The following RBM17 variants were observed in gnomAD, a reference collection of about 807,000 sequenced individuals.
RBM17 encodes the protein splicing factor 45.
RBM17 carries 7 observed loss-of-function variants against 53.2 expected under a neutral mutation model. The observed-to-expected ratio is 0.13, with a 90% CI of 0.07 to 0.25. The LOEUF (loss-of-function observed/expected upper bound fraction) is 0.25, where lower values mean the gene tolerates loss of function less well. Among genes scored for constraint, RBM17 ranks in the 10% least tolerant of loss-of-function variants. RBM17 has a pLI of 1.00. For synonymous variants in RBM17, 167 were observed against 178.1 expected (o/e 0.94, Z 0.50); for missense variants, 257 against 496.7 (o/e 0.52, Z 4.59).
chr10:6,090,718 G>A (rs1840469003), intron 1 of RBM17, among the ~76,000 whole-genome samples: 1 of 152,116 alleles, frequency 6.6e-6, no homozygotes, highest in Non-Finnish European at 1.5e-5. Context: ...AGTGAAGGAA[G>A]TTCTGTTATT....
At chr10:6,111,718 C>A (rs553689161) in intron 7 of RBM17, among the ~76,000 whole-genome samples, 1 of 152,164 alleles carries the variant, frequency 6.6e-6, no homozygotes, top group Non-Finnish European at 1.5e-5. Flanking sequence ...TCTTGGCCTC[C>A]GTTTATTTCT....
chr10:6,109,936 G>C, intron 6 of RBM17, 50 bp from the exon 7 acceptor site: 1 of 1,464,354 alleles, frequency 6.8e-7, no homozygotes, highest in East Asian at 2.4e-5. Context: ...TGAGGTTTCA[G>C]AGTGTTTTCT....
At chr10:6,105,191 T>G in intron 4 of RBM17, 94 bp downstream of exon 4, 1 of 1,145,906 alleles carries the variant, frequency 8.7e-7, no homozygotes, top group South Asian at 1.5e-5. Flanking sequence ...AAGGCTGAAG[T>G]TAATTGTCAT....
At chr10:6,109,085 G>T (rs537650050) in intron 6 of RBM17, among the ~76,000 whole-genome samples, 4 of 152,146 alleles carry the variant, frequency 2.6e-5, no homozygotes, top group Non-Finnish European at 5.9e-5. Flanking sequence ...AGGTTTAGAG[G>T]CTGTTATATT....
chr10:6,099,000 A>AT (rs1840628184), intron 2 of RBM17, among the ~76,000 whole-genome samples: 1 of 151,954 alleles, frequency 6.6e-6, no homozygotes, highest in Admixed American at 6.6e-5. Flanking sequence ...CCAAATTTAG[A>AT]TTTTTTGGAT....
intron 4 of RBM17, 54 bp downstream of exon 4, chr10:6,105,151 T>C: frequency 6.5e-7 from 1 of 1,537,118 alleles, no homozygotes; most frequent in Non-Finnish European, 8.9e-7. Context: ...TTCATTAAAA[T>C]GTTAACGAAT....
intron 2 of RBM17, among the ~76,000 whole-genome samples, chr10:6,098,563 G>GTGTTT (rs1554834988): frequency 3.4e-4 from 16 of 46,662 alleles, no homozygotes; most frequent in South Asian, 1.1e-3. Flanking sequence ...CAGGTTTTTT[G>GTGTTT]TTTTTTTTTT....
At chr10:6,093,468 C>T (rs778290578) in intron 1 of RBM17, among the ~76,000 whole-genome samples, 1 of 152,202 alleles carries the variant, frequency 6.6e-6, no homozygotes. Context: ...ATCCGCCCGC[C>T]TCGGTCTCCC....
At chr10:6,103,750 A>C (rs749518309) in intron 3 of RBM17, among the ~76,000 whole-genome samples, 10 of 152,188 alleles carry the variant, frequency 6.6e-5, no homozygotes, top group Non-Finnish European at 1.5e-4. Flanking sequence ...TTATAGTGCA[A>C]AATGTCACAC....
rs1020654102 is a variant in RBM17, at chr10:6,116,544, A to G, written c.*988A>G. The G allele has an allele frequency of 6.6e-5, 10 of 152,360 alleles. No homozygotes were observed. The highest frequency in any genetic ancestry group is 1.2e-4 in the Non-Finnish European group (8 of 68,038). The allele number at this position is 152,360 out of a possible 1,614,324, so 9.4% of individuals were successfully genotyped here. Reference sequence around the variant, plus strand: ...GGACCACAAAAAAGAAAACAAAAATATTTGGTACTGAGGTTCATTGCCAGG... The same window carrying G: ...GGACCACAAAAAAGAAAACAAAAATGTTTGGTACTGAGGTTCATTGCCAGG... On this transcript the variant is annotated 3_prime_UTR_variant, in exon 12 of 12. Transcript: ENST00000379888.
At chr10:6,113,941 C>G in intron 9 of RBM17, 108 bp from the exon 10 acceptor site, 3 of 704,588 alleles carry the variant, frequency 4.3e-6, no homozygotes, top group South Asian at 3.8e-5. Flanking sequence ...TTCATTATGT[C>G]GTTTGGGATT....
At chr10:6,093,915 A>G (rs1411453413) in intron 1 of RBM17, among the ~76,000 whole-genome samples, 1 of 152,208 alleles carries the variant, frequency 6.6e-6, no homozygotes, top group Non-Finnish European at 1.5e-5. Flanking sequence ...ATGCATGCAA[A>G]AAGATTTCAC....
chr10:6,113,922 A>T, intron 9 of RBM17, 127 bp from the exon 10 acceptor site: 1 of 649,316 alleles, frequency 1.5e-6, no homozygotes. Context: ...TACTTTGGGG[A>T]TGAAATTTTT....
At chr10:6,107,869 A>G (rs1169865619) in intron 5 of RBM17, among the ~76,000 whole-genome samples, 1 of 151,992 alleles carries the variant, frequency 6.6e-6, no homozygotes, top group Admixed American at 6.6e-5. Context: ...TTTTTATTTC[A>G]TTGTTGATTA....
At position 6,093,359 on chromosome 10, in the gene RBM17, A is replaced by G. The variant is rs116792076; in HGVS notation, c.-18-3689A>G. On this transcript the variant is annotated intron_variant, in intron 1 of 11. Transcript: ENST00000379888. Reference sequence around the variant, plus strand: ...CTCTTGTCTCAGCTGGGACAGGACTACAGGCGTGCAGCACCACACCTGGCT... The same window carrying G: ...CTCTTGTCTCAGCTGGGACAGGACTGCAGGCGTGCAGCACCACACCTGGCT... Among the ~76,000 whole-genome samples the G allele has an allele frequency of 3.3e-3, 501 of 152,134 alleles. 5 individuals carry two copies. The highest frequency in any genetic ancestry group is 0.012 in the African/African-American group (483 of 41,482).
At chr10:6,107,523 C>T (rs1221064053) in intron 5 of RBM17, among the ~76,000 whole-genome samples, 1 of 116,230 alleles carries the variant, frequency 8.6e-6, no homozygotes, top group Non-Finnish European at 1.7e-5. Flanking sequence ...GCTCTGTTGC[C>T]CAGGCTGGAG....
intron 7 of RBM17, among the ~76,000 whole-genome samples, chr10:6,111,755 G>C (rs918689937): frequency 1.3e-5 from 2 of 152,142 alleles, no homozygotes; most frequent in African/African-American, 4.8e-5. Flanking sequence ...GATCTCTAAG[G>C]GTTCTTTCAT....
At chr10:6,099,231 C>T (rs1267977915) in intron 2 of RBM17, among the ~76,000 whole-genome samples, 1 of 151,360 alleles carries the variant, frequency 6.6e-6, no homozygotes, top group East Asian at 1.9e-4. Context: ...GTTATTTCTA[C>T]TAACTTTATA....
In RBM17 at chr10:6,097,949, T is replaced by C. The variant is rs185901397; in HGVS notation, c.123+761T>C. On this transcript the variant is annotated intron_variant, in intron 2 of 11. Transcript: ENST00000379888. ...TACCTAAGCTGCTGCGTGCAACTTA[T>C]TGAGGGCTCAGGTTGATTGTGAAGG... Among the ~76,000 whole-genome samples the C allele has an allele frequency of 1.1e-4, 16 of 152,346 alleles. No homozygotes were observed. The East Asian group carries it at 1.2e-3, about 11-fold the overall frequency.
Sources: allele counts gnomAD v4.1 joint callset (sites outside exome capture counted in the v4.1 genomes callset), GRCh38; gene constraint gnomAD v4.1.1; transcripts MANE v1.5; gene names NCBI Gene and HGNC (gene_info 2026-07-23, HGNC 2026-07-21).